Variants in SPTBN1 observed in about 807,000 individuals in gnomAD.
The protein encoded by SPTBN1 is spectrin beta chain, non-erythrocytic 1.
In SPTBN1, 32 loss-of-function variants were observed where a neutral mutation model predicts 266.4. The ratio of observed to expected loss-of-function variants is 0.12; its 90% CI spans 0.09 to 0.16. The LOEUF is 0.16. SPTBN1 is among the 10% of genes least tolerant of loss of function. SPTBN1 has a pLI of 1.00. For missense variants in SPTBN1, 2,296 were observed against 3,067.1 expected (o/e 0.75, Z 5.94); for synonymous variants, 1,336 against 1,162.2 (o/e 1.15, Z -3.04).
intron 1 of SPTBN1, among the ~76,000 whole-genome samples, chr2:54,475,358 A>G (rs1338169453): frequency 6.6e-6 from 1 of 152,182 alleles, no homozygotes; most frequent in Non-Finnish European, 1.5e-5. Flanking sequence ...TACAGAAGCT[A>G]ATGGGAAATG....
chr2:54,571,464 A>C (rs966398105), intron 2 of SPTBN1, among the ~76,000 whole-genome samples: 1 of 151,950 alleles, frequency 6.6e-6, no homozygotes, highest in Non-Finnish European at 1.5e-5. Context: ...CATCCGGGGA[A>C]TCTTCCTCAG....
chr2:54,653,046 T>C lies in SPTBN1; in HGVS notation c.5578-563T>C, dbSNP rs1181910499. 1 of 152,266 alleles carries C rather than the reference T, an allele frequency of 6.6e-6. No homozygotes were observed. Among genetic ancestry groups the C allele is most frequent in the Non-Finnish European group, 1.5e-5 (1 of 68,054 alleles). 9.4% of individuals were successfully genotyped at this position (152,266 alleles called of 1,614,324 possible). A position where few individuals can be genotyped will look rare whatever the true frequency, so the allele number is the denominator to read the frequency against. On this transcript the variant is annotated intron_variant, in intron 26 of 35. Transcript: ENST00000356805. This position sits in a 1 kb window ranked among gnomAD's most constrained non-coding sequence, Gnocchi z 5.1. The stretch of plus-strand genomic sequence containing the variant: ...TGCAAGGTTTTTGTTGAAATTTGGC[T>C]ATTTCAAGTTTCACCTTCTTTAACG...
chr2:54,533,918 A>ACG lies in SPTBN1; in HGVS notation c.148+7353_148+7354insGC, dbSNP rs1558814455. Among the ~76,000 whole-genome samples the ACG allele has an allele frequency of 1.4e-5, 2 of 141,080 alleles. No individual in the cohort carries two copies. Among genetic ancestry groups the ACG allele is most frequent in the Admixed American group, 7.1e-5 (1 of 14,084 alleles). The allele number at this position is 141,080 out of a possible 152,430, so 92.6% of individuals were successfully genotyped here. On this transcript the variant is annotated intron_variant, in intron 2 of 35. Transcript: ENST00000356805. This position sits in a 1 kb window ranked among gnomAD's most constrained non-coding sequence, Gnocchi z 4.2. ...CTCTCTCTCACACACACACACACAC[A>ACG]CACACACACGCACGCACGCACACAA...
intron 2 of SPTBN1, among the ~76,000 whole-genome samples, chr2:54,570,244 C>G (rs537586642): frequency 1.3e-5 from 2 of 152,146 alleles, no homozygotes; most frequent in Non-Finnish European, 1.5e-5. Context: ...GCCTTTCTCT[C>G]TCCCCCAACC....
At chr2:54,494,980 T>C (rs1668887830) in intron 1 of SPTBN1, among the ~76,000 whole-genome samples, 1 of 152,046 alleles carries the variant, frequency 6.6e-6, no homozygotes, top group Admixed American at 6.6e-5. Flanking sequence ...GCACCGTTCT[T>C]TATATCTCAT....
intron 1 of SPTBN1, among the ~76,000 whole-genome samples, chr2:54,492,338 G>GGTTTTTTTTTTTTTTTTTTTTT (rs1558775035): frequency 8.5e-6 from 1 of 118,110 alleles, no homozygotes. Flanking sequence ...TTTGTCTGCA[G>GGTTTTTTTTTTTTTTTTTTTTT]TTGTTTTTTT....
chr2:54,598,037 G>A (rs1372717033), intron 2 of SPTBN1, among the ~76,000 whole-genome samples: 1 of 152,104 alleles, frequency 6.6e-6, no homozygotes, highest in African/African-American at 2.4e-5. Flanking sequence ...TGGGTCCAGG[G>A]TACGTTCTGT....
chr2:54,548,117 A>T (rs1672357542), intron 2 of SPTBN1, among the ~76,000 whole-genome samples: 1 of 152,212 alleles, frequency 6.6e-6, no homozygotes, highest in Non-Finnish European at 1.5e-5. Flanking sequence ...CACTCCAGCC[A>T]GGGCAACAGA....
intron 7 of SPTBN1, among the ~76,000 whole-genome samples, chr2:54,619,878 T>C (rs1388532866): frequency 2.0e-5 from 3 of 152,196 alleles, no homozygotes. Flanking sequence ...TGTCCTGATG[T>C]TCTCTTGTTT....
intron 1 of SPTBN1, among the ~76,000 whole-genome samples, chr2:54,505,850 C>A (rs182877986): frequency 6.6e-6 from 1 of 152,070 alleles, no homozygotes; most frequent in Non-Finnish European, 1.5e-5. Context: ...CTGGGCCAGG[C>A]GCGGTGGCTC....
intron 1 of SPTBN1, among the ~76,000 whole-genome samples, chr2:54,490,684 C>G (rs919387019): frequency 3.3e-5 from 5 of 152,134 alleles, no homozygotes; most frequent in African/African-American, 9.7e-5. Context: ...TCAGTCTGGT[C>G]AATAGGCATC....
intron 29 of SPTBN1, among the ~76,000 whole-genome samples, 157 bp downstream of exon 29, chr2:54,656,155 C>T (rs1680639808): frequency 6.6e-6 from 1 of 152,216 alleles, no homozygotes; most frequent in South Asian, 2.1e-4. Context: ...GTAAATACTA[C>T]TTTTAAGAAG....
chr2:54,616,332 T>A, intron 5 of SPTBN1, 34 bp downstream of exon 5: 1 of 1,593,482 alleles, frequency 6.3e-7, no homozygotes, highest in Non-Finnish European at 8.6e-7. Flanking sequence ...TGGGGCTGCT[T>A]CTTCCAGGAC....
At chr2:54,594,532 G>A (rs191094132) in intron 2 of SPTBN1, among the ~76,000 whole-genome samples, 4 of 152,244 alleles carry the variant, frequency 2.6e-5, no homozygotes, top group African/African-American at 4.8e-5. Context: ...GGGAGGTCCT[G>A]GAACAAATTC....
intron 17 of SPTBN1, among the ~76,000 whole-genome samples, chr2:54,634,068 A>C (rs990505707): frequency 3.3e-5 from 5 of 152,222 alleles, no homozygotes; most frequent in African/African-American, 1.2e-4. Flanking sequence ...AGGGAAAAAG[A>C]ATTTCCTTTT....
chr2:54,623,485 T>G lies in SPTBN1; in HGVS notation c.1071T>G (p.Thr357=). The change falls in exon 10 of 36, where the codon ACT becomes ACG. Residue 357 remains threonine (T), a synonymous_variant. Transcript: ENST00000356805. ...TGTTTTCCCCTGTGTTTAGATTTACTGAGAAGGGGAACTTGGAAGTGCTGC... is the reference window on the plus strand; with the variant it reads ...TGTTTTCCCCTGTGTTTAGATTTACGGAGAAGGGGAACTTGGAAGTGCTGC... The part of the protein sequence containing the change: ...YRTVEKPPKF[T]EKGNLEVLLF... 1 of 1,613,982 alleles carries G rather than the reference T, an allele frequency of 6.2e-7. No individual in the cohort carries two copies. The highest frequency in any genetic ancestry group is 8.5e-7 in the Non-Finnish European group (1 of 1,179,876).
At chr2:54,561,287 C>A (rs1303477892) in intron 2 of SPTBN1, among the ~76,000 whole-genome samples, 4 of 152,122 alleles carry the variant, frequency 2.6e-5, no homozygotes, top group Non-Finnish European at 5.9e-5. Flanking sequence ...TGGGACTATA[C>A]CATGTCTGGC....
chr2:54,611,474 C>G (rs62134705), intron 3 of SPTBN1, among the ~76,000 whole-genome samples: 3 of 151,306 alleles, frequency 2.0e-5, no homozygotes, highest in East Asian at 3.9e-4. Flanking sequence ...TACTCTCTCT[C>G]TATATATATA....
chr2:54,543,124 G>A (rs1672031741), intron 2 of SPTBN1, among the ~76,000 whole-genome samples: 1 of 152,178 alleles, frequency 6.6e-6, no homozygotes, highest in African/African-American at 2.4e-5. Context: ...CTGATGCTGA[G>A]GAAGGAAGGA....
Sources: allele counts gnomAD v4.1 joint callset (sites outside exome capture counted in the v4.1 genomes callset), GRCh38; gene constraint gnomAD v4.1.1; non-coding constraint Gnocchi (gnomAD v3.1); transcripts MANE v1.5; gene names NCBI Gene and HGNC (gene_info 2026-07-23, HGNC 2026-07-21).